Variants in SPMAP2L observed in about 807,000 individuals in gnomAD.
SPMAP2L encodes the protein sperm microtubule associated protein 2 like.
chr4:56,586,051 C>A, the SPMAP2L span, among the ~76,000 whole-genome samples: 1 of 152,058 alleles, frequency 6.6e-6, no homozygotes, highest in Admixed American at 6.6e-5. Flanking sequence ...ACTGGGCAAG[C>A]AGGTATGGCC....
chr4:56,589,038 G>A, the SPMAP2L span, among the ~76,000 whole-genome samples: 3 of 151,918 alleles, frequency 2.0e-5, no homozygotes, highest in African/African-American at 7.3e-5. Flanking sequence ...ACCCAGGCTG[G>A]AGTGCAGTGG....
chr4:56,564,287 C>T, the SPMAP2L span, among the ~76,000 whole-genome samples: 2 of 152,028 alleles, frequency 1.3e-5, no homozygotes, highest in African/African-American at 4.8e-5. Context: ...GCACGGCACG[C>T]ACCACCATGC....
At chr4:56,538,573 C>T in the SPMAP2L span, among the ~76,000 whole-genome samples, 728 of 152,324 alleles carry the variant, frequency 4.8e-3, 7 homozygotes, top group African/African-American at 0.017. Context: ...GAGGCCTAAG[C>T]AGGCAGATCA....
At chr4:56,530,880 C>A in the SPMAP2L span, 1 of 1,534,856 alleles carries the variant, frequency 6.5e-7, no homozygotes, top group South Asian at 1.2e-5. Flanking sequence ...GGGAGCAAGA[C>A]CAGAGAGACG....
chr4:56,550,108 A>G, the SPMAP2L span, among the ~76,000 whole-genome samples: 4 of 152,108 alleles, frequency 2.6e-5, no homozygotes, highest in Admixed American at 1.3e-4. Context: ...ATTTACATGT[A>G]TGGTTATTAT....
the SPMAP2L span, among the ~76,000 whole-genome samples, chr4:56,615,912 G>A: frequency 2.0e-5 from 3 of 152,078 alleles, no homozygotes; most frequent in Non-Finnish European, 4.4e-5. Flanking sequence ...GCCAAGAACC[G>A]CCACTCGGAT....
At chr4:56,586,454 C>T in the SPMAP2L span, among the ~76,000 whole-genome samples, 4 of 152,128 alleles carry the variant, frequency 2.6e-5, no homozygotes, top group African/African-American at 4.8e-5. Context: ...ATGACTTCAT[C>T]CAAATCTAAT....
At chr4:56,615,663 GC>G in the SPMAP2L span, among the ~76,000 whole-genome samples, 1 of 152,182 alleles carries the variant, frequency 6.6e-6, no homozygotes, top group African/African-American at 2.4e-5. Flanking sequence ...CAGGAGAATT[GC>G]TTGGACCCAG....
chr4:56,603,503 G>A, the SPMAP2L span: 11 of 471,102 alleles, frequency 2.3e-5, no homozygotes, highest in South Asian at 9.2e-5. Flanking sequence ...TTAACCTGTC[G>A]CTGAATCTTT....
the SPMAP2L span, among the ~76,000 whole-genome samples, chr4:56,550,197 A>C: frequency 6.6e-6 from 1 of 152,138 alleles, no homozygotes; most frequent in Non-Finnish European, 1.5e-5. Context: ...TACGTTGCCC[A>C]GGCTGGTCCC....
the SPMAP2L span, among the ~76,000 whole-genome samples, chr4:56,604,548 C>G: frequency 6.6e-6 from 1 of 151,856 alleles, no homozygotes; most frequent in African/African-American, 2.4e-5. Flanking sequence ...ATCCCAGCTA[C>G]TCAGGAGGCT....
chr4:56,532,794 T>C, the SPMAP2L span, among the ~76,000 whole-genome samples: 1 of 152,352 alleles, frequency 6.6e-6, no homozygotes, highest in Non-Finnish European at 1.5e-5. Context: ...ATGATCCATT[T>C]GGCTTCTCAG....
the SPMAP2L span, among the ~76,000 whole-genome samples, chr4:56,569,412 T>C: frequency 1.4e-4 from 22 of 152,346 alleles, no homozygotes; most frequent in Middle Eastern, 3.4e-3. Flanking sequence ...ATGTTGAACA[T>C]TTTTTCATTT....
chr4:56,584,848 T>C, the SPMAP2L span, among the ~76,000 whole-genome samples: 1 of 152,204 alleles, frequency 6.6e-6, no homozygotes, highest in Non-Finnish European at 1.5e-5. Context: ...TCAGCAACTG[T>C]GGGAACTGGT....
the SPMAP2L span, among the ~76,000 whole-genome samples, chr4:56,587,047 T>C: frequency 3.9e-5 from 6 of 152,168 alleles, no homozygotes; most frequent in African/African-American, 1.4e-4. Context: ...TAAAAGTTGA[T>C]TTTTCTTAGG....
chr4:56,594,278 CTGG>C, the SPMAP2L span: 1 of 1,568,206 alleles, frequency 6.4e-7, no homozygotes, highest in Admixed American at 1.7e-5. Flanking sequence ...TATGAAGAAA[CTGG>C]AAAATAAAGA....
chr4:56,603,371 A>C, the SPMAP2L span: 3 of 1,331,214 alleles, frequency 2.3e-6, no homozygotes, highest in South Asian at 2.9e-5. Flanking sequence ...TCTAGAACAC[A>C]TATTAGATGA....
At chr4:56,540,386 T>C in the SPMAP2L span, among the ~76,000 whole-genome samples, 127 of 151,974 alleles carry the variant, frequency 8.4e-4, 1 homozygote, top group African/African-American at 2.9e-3. Context: ...CTGCTAAAAA[T>C]ACAAAAATTA....
the SPMAP2L span, among the ~76,000 whole-genome samples, chr4:56,544,574 T>C: frequency 2.0e-5 from 3 of 152,340 alleles, no homozygotes; most frequent in East Asian, 5.8e-4. Flanking sequence ...TTTATAATTA[T>C]GTTGCTCCTT....
Sources: allele counts gnomAD v4.1 joint callset (sites outside exome capture counted in the v4.1 genomes callset), GRCh38; gene constraint gnomAD v4.1.1; transcripts MANE v1.5; gene names NCBI Gene and HGNC (gene_info 2026-07-23, HGNC 2026-07-21).